ANK2: variants seen among roughly 807,000 people sequenced by gnomAD.
The protein encoded by ANK2 is ankyrin 2.
A neutral mutation model predicts 360.5 loss-of-function variants in ANK2; 83 were observed. That is an observed-to-expected ratio of 0.23 (90% CI 0.19 to 0.28). The LOEUF is 0.28. ANK2 is among the 10% of genes least tolerant of loss of function. The pLI, the probability that ANK2 is intolerant of heterozygous loss-of-function variation, is 1.00. For missense variants in ANK2, 4,201 were observed against 4,795.7 expected (o/e 0.88, Z 3.66); for synonymous variants, 1,740 against 1,759.5 (o/e 0.99, Z 0.28).
rs543096668 is a variant in ANK2, at chr4:113,117,458, C to T, written c.85-56958C>T. The T allele has an allele frequency of 5.3e-5, 24 of 453,236 alleles. No individual in the cohort carries two copies. The East Asian group carries it at 1.7e-3, about 32-fold the overall frequency. 28.1% of individuals were successfully genotyped at this position (453,236 alleles called of 1,614,324 possible). ...CTTTTAACCCTCTTTCTCTGCAGCT[C>T]TGTGTAGCACCATCAGCCTCAGAAC... On this transcript the variant is annotated intron_variant, in intron 1 of 45. Transcript: ENST00000357077.
chr4:112,965,780 G>A (rs1005146446), intron 2 of ANK2, among the ~76,000 whole-genome samples: 6 of 152,030 alleles, frequency 3.9e-5, no homozygotes, highest in African/African-American at 1.2e-4. Flanking sequence ...ATTCACTGTA[G>A]GTGTATGAAT....
intron 1 of ANK2, among the ~76,000 whole-genome samples, chr4:112,855,822 T>C (rs1375111767): frequency 3.3e-5 from 5 of 152,320 alleles, no homozygotes; most frequent in African/African-American, 7.2e-5. Flanking sequence ...CAGCGTTACC[T>C]GGAATGTCCT....
At chr4:113,230,302 G>A (rs1159835669) in intron 4 of ANK2, among the ~76,000 whole-genome samples, 1 of 151,926 alleles carries the variant, frequency 6.6e-6, no homozygotes, top group Non-Finnish European at 1.5e-5. Context: ...CTGGATGTTG[G>A]CCATTTTAAA....
At chr4:113,371,110 T>C (rs1453878038) in intron 43 of ANK2, among the ~76,000 whole-genome samples, 1 of 152,110 alleles carries the variant, frequency 6.6e-6, no homozygotes, top group African/African-American at 2.4e-5. Context: ...AGCTTAGTAG[T>C]AAAAGAAGAG....
chr4:112,874,422 C>T (rs936876623), intron 1 of ANK2, among the ~76,000 whole-genome samples: 2 of 150,772 alleles, frequency 1.3e-5, no homozygotes, highest in South Asian at 2.1e-4. Flanking sequence ...GGGCAGATTA[C>T]GTGAGGTCAG....
At chr4:112,926,318 T>A (rs1422159753) in intron 2 of ANK2, among the ~76,000 whole-genome samples, 1 of 152,204 alleles carries the variant, frequency 6.6e-6, no homozygotes, top group Middle Eastern at 3.2e-3. Flanking sequence ...GAGTCTACTC[T>A]TTAAAATTGG....
rs944870683 is a variant in ANK2 at position 113,240,566 on chromosome 4, G to A, written c.775G>A (p.Val259Met). The change falls in exon 8 of 46, where the codon GTG becomes ATG. Residue 259 changes from valine (V) to methionine (M), a missense_variant. Coordinates refer to ENST00000357077, the MANE Select transcript of ANK2 (RefSeq NM_001148.6). ...ATLLLNRGAA[V>M]DFTARNGITP... ...TCTTCTTCTAAACCGGGGAGCTGCT[G>A]TGGACTTCACAGCCAGGGTATGGAT... The A allele has an allele frequency of 6.2e-7, 1 of 1,613,446 alleles. No homozygotes were observed. The highest frequency in any genetic ancestry group is 2.2e-5 in the East Asian group (1 of 44,860).
At chr4:113,042,135 T>C (rs765609749) in intron 2 of ANK2, among the ~76,000 whole-genome samples, 33 of 152,134 alleles carry the variant, frequency 2.2e-4, no homozygotes, top group South Asian at 2.1e-4. Flanking sequence ...ATCTACTCCA[T>C]TGAAGGCGCA....
At chr4:113,005,346 A>G (rs1453736561) in intron 2 of ANK2, among the ~76,000 whole-genome samples, 1 of 152,230 alleles carries the variant, frequency 6.6e-6, no homozygotes, top group Non-Finnish European at 1.5e-5. Context: ...CTAAGTGCCC[A>G]TCAAGGAAAG....
intron 40 of ANK2, 117 bp downstream of exon 40, chr4:113,363,586 TGG>T (rs2096363027): frequency 3.1e-5 from 34 of 1,104,808 alleles, no homozygotes; most frequent in Admixed American, 5.2e-5. Flanking sequence ...TGCAGTACAG[TGG>T]GTCCTTGAGT....
At chr4:113,083,626 A>G (rs1023939315) in intron 1 of ANK2, among the ~76,000 whole-genome samples, 5 of 152,332 alleles carry the variant, frequency 3.3e-5, no homozygotes, top group East Asian at 1.9e-4. Flanking sequence ...TGTGTAATCT[A>G]TTAAGCCCTC....
At chr4:113,322,128 G>A (rs2086630677) in intron 26 of ANK2, among the ~76,000 whole-genome samples, 1 of 152,008 alleles carries the variant, frequency 6.6e-6, no homozygotes, top group African/African-American at 2.4e-5. Flanking sequence ...TTTAATAAAG[G>A]GATTTTACAT....
chr4:112,744,894 T>G, the ANK2 span, among the ~76,000 whole-genome samples: 1 of 152,260 alleles, frequency 6.6e-6, no homozygotes, highest in Admixed American at 6.5e-5. Context: ...TGTCATCAGG[T>G]TAAACATATT....
intron 2 of ANK2, among the ~76,000 whole-genome samples, chr4:113,028,172 G>A (rs772542325): frequency 6.6e-6 from 1 of 151,968 alleles, no homozygotes; most frequent in Non-Finnish European, 1.5e-5. Context: ...ATAGAGTGCA[G>A]CAAGTGCCAT....
intron 2 of ANK2, among the ~76,000 whole-genome samples, chr4:112,930,557 C>T (rs1479421110): frequency 6.6e-6 from 1 of 151,862 alleles, no homozygotes; most frequent in African/African-American, 2.4e-5. Flanking sequence ...CTGGATTTGA[C>T]TTTGTAAACG....
intron 6 of ANK2, 22 bp downstream of exon 6, chr4:113,237,194 T>G (rs781195151): frequency 6.2e-7 from 1 of 1,608,982 alleles, no homozygotes; most frequent in South Asian, 1.1e-5. Flanking sequence ...TGAACACATT[T>G]GTGGAAAGGA....
At chr4:113,332,453 C>T (rs1160547475) in intron 28 of ANK2, among the ~76,000 whole-genome samples, 1 of 152,176 alleles carries the variant, frequency 6.6e-6, no homozygotes. Context: ...TAGGGCAGTG[C>T]ATGTTCCGGA....
intron 1 of ANK2, among the ~76,000 whole-genome samples, chr4:113,091,237 A>G (rs1014691517): frequency 1.6e-4 from 24 of 152,214 alleles, no homozygotes; most frequent in Non-Finnish European, 2.2e-4. Flanking sequence ...TATCAAGGCC[A>G]ACACAGCCTA....
chr4:113,099,395 G>T (rs559963045), intron 1 of ANK2, among the ~76,000 whole-genome samples: 66 of 151,888 alleles, frequency 4.3e-4, no homozygotes, highest in African/African-American at 1.5e-3. Flanking sequence ...TTTTTCATTA[G>T]CACCAAAAAA....
Sources: gnomAD v4.1 joint callset for allele counts (sites outside exome capture counted in the v4.1 genomes callset) on GRCh38, gnomAD v4.1.1 for gene constraint, MANE v1.5 for transcripts, NCBI Gene and HGNC (gene_info 2026-07-23, HGNC 2026-07-21) for gene names.